FRMPD4: variants seen among roughly 807,000 people sequenced by gnomAD.
FRMPD4 encodes FERM and PDZ domain-containing protein 4.
FRMPD4 carries 22 observed loss-of-function variants against 94.1 expected under a neutral mutation model. The ratio of observed to expected loss-of-function variants is 0.23; its 90% CI spans 0.17 to 0.33. FRMPD4 has a LOEUF of 0.33. FRMPD4 is among the 10% of genes least tolerant of loss of function. FRMPD4 has a pLI of 1.00. For missense variants in FRMPD4, 1,111 were observed against 1,339.9 expected (o/e 0.83, Z 2.67); for synonymous variants, 631 against 548.6 (o/e 1.15, Z -2.10).
At chrX:12,533,280 G>T (rs1403734751) in intron 2 of FRMPD4, among the ~76,000 whole-genome samples, 2 of 112,252 alleles carry the variant, frequency 1.8e-5, no homozygotes, top group Non-Finnish European at 3.8e-5. Flanking sequence ...TGATCATGAG[G>T]CCTCCGCAAC....
At chrX:12,475,846 C>T (rs2057590528) in intron 1 of FRMPD4, among the ~76,000 whole-genome samples, 1 of 111,636 alleles carries the variant, frequency 9.0e-6, no homozygotes, top group Non-Finnish European at 1.9e-5. Context: ...ATTCCATGCT[C>T]ATGGGTAGGA....
At chrX:12,688,799 A>AT (rs200685066) in intron 7 of FRMPD4, among the ~76,000 whole-genome samples, 2,520 of 93,183 alleles carry the variant, frequency 0.027, 93 homozygotes, top group African/African-American at 0.096. Flanking sequence ...CTCTTGAATG[A>AT]TTTTTTTTCA....
chrX:11,878,270 C>A (rs2053796013), intron 3 of FRMPD4, among the ~76,000 whole-genome samples: 1 of 112,286 alleles, frequency 8.9e-6, no homozygotes, highest in Admixed American at 9.4e-5. Flanking sequence ...CCGTATACTA[C>A]TTTGGTCATT....
intron 1 of FRMPD4, among the ~76,000 whole-genome samples, chrX:12,336,633 C>G (rs1461429572): frequency 9.0e-6 from 1 of 111,315 alleles, no homozygotes; most frequent in Non-Finnish European, 1.9e-5. Flanking sequence ...ACATCTCACA[C>G]TGGCAGGCTT....
intron 2 of FRMPD4, among the ~76,000 whole-genome samples, chrX:12,524,660 C>A (rs773337686): frequency 5.4e-5 from 6 of 111,437 alleles, no homozygotes; most frequent in Admixed American, 9.5e-5. Context: ...TGCTACCTGT[C>A]GCTCTGAAAT....
chrX:12,165,923 T>A (rs2056108416), intron 1 of FRMPD4, among the ~76,000 whole-genome samples: 1 of 111,735 alleles, frequency 8.9e-6, no homozygotes, highest in Non-Finnish European at 1.9e-5. Context: ...TTTGCTGAAG[T>A]TGCTTATCAG....
intron 4 of FRMPD4, among the ~76,000 whole-genome samples, chrX:12,640,197 G>A (rs1194473337): frequency 1.9e-5 from 2 of 105,637 alleles, no homozygotes; most frequent in Non-Finnish European, 3.9e-5. Context: ...TACTCCGGAG[G>A]CTGAGGCACG....
At chrX:11,836,767 C>A (rs1186637696) in intron 1 of FRMPD4, among the ~76,000 whole-genome samples, 1 of 111,728 alleles carries the variant, frequency 9.0e-6, no homozygotes, top group Admixed American at 9.5e-5. Context: ...GAATCTAAAT[C>A]TTTCTGATGG....
intron 3 of FRMPD4, among the ~76,000 whole-genome samples, chrX:11,987,097 T>TGAAAAAA (rs1569137639): frequency 2.0e-4 from 3 of 14,642 alleles, no homozygotes; most frequent in Non-Finnish European, 3.2e-4. Context: ...CAAAGACACA[T>TGAAAAAA]TAAAAAAAAA....
intron 3 of FRMPD4, among the ~76,000 whole-genome samples, chrX:11,932,073 C>T (rs1312139239): frequency 8.9e-6 from 1 of 111,934 alleles, no homozygotes; most frequent in Non-Finnish European, 1.9e-5. Flanking sequence ...ATATTATTAA[C>T]TACAGAGTGC....
chrX:12,154,745 G>T (rs1293310889), intron 1 of FRMPD4, among the ~76,000 whole-genome samples: 1 of 112,591 alleles, frequency 8.9e-6, no homozygotes, highest in Non-Finnish European at 1.9e-5. Context: ...GATTAAAGGG[G>T]CTTAAACAAA....
At position 11,950,231 on chromosome X, in the gene FRMPD4, T is replaced by G. The variant is rs1601852529; in HGVS notation, c.95+72213T>G. 4.5e-5 allele frequency among the ~76,000 whole-genome samples: 5 copies of G among 112,269 alleles called. No individual in the cohort carries two copies. The Admixed American group carries it at 4.7e-4, about 11-fold the overall frequency. ...CTGTGAAGAAGGTGCCTGCTTCTCC[T>G]TTGCCTTCTGTCATGATTGTAAGTT... On this transcript the variant is annotated intron_variant, in intron 3 of 18. Coordinates refer to the FRMPD4 transcript ENST00000640291.
chrX:12,606,609 C>T (rs920539557), intron 2 of FRMPD4, among the ~76,000 whole-genome samples: 2 of 111,314 alleles, frequency 1.8e-5, no homozygotes, highest in African/African-American at 3.3e-5. Context: ...GCACCAACCT[C>T]GGTTCTAAAA....
Position 12,212,318 on chromosome X carries a change from AT to A in FRMPD4, c.41+73317del, listed in dbSNP as rs369676955. Among the ~76,000 whole-genome samples the A allele has an allele frequency of 7.4e-3, 782 of 106,322 alleles. 10 individuals are homozygous for A. Among genetic ancestry groups the A allele is most frequent in the African/African-American group, 0.022 (661 of 29,401 alleles). The allele number at this position is 106,322 out of a possible 115,157, so 92.3% of individuals were successfully genotyped here. On this transcript the variant is annotated intron_variant, in intron 1 of 16. Transcript: ENST00000675598. ...TGTTCTAGAATTTTAAAATCATTCG[AT>A]TTTTTTTTTTCTTTTAGGTGGGCAC...
chrX:11,951,729 C>T (rs2054224917), intron 3 of FRMPD4, among the ~76,000 whole-genome samples: 1 of 112,183 alleles, frequency 8.9e-6, no homozygotes, highest in Admixed American at 9.4e-5. Context: ...TGCACATGTA[C>T]CCATGAACTT....
Position 12,701,303 on chromosome X carries a change from G to A in FRMPD4, c.934-571G>A, listed in dbSNP as rs186099046. Reference sequence around the variant, plus strand: ...GCCCAGGCTGGTCTTGAACTCCAGGGCTCACGTAATCCACCCGCCTTGGCC... The same window carrying A: ...GCCCAGGCTGGTCTTGAACTCCAGGACTCACGTAATCCACCCGCCTTGGCC... On this transcript the variant is annotated intron_variant, in intron 9 of 16. Transcript: ENST00000675598. Among the ~76,000 whole-genome samples the A allele has an allele frequency of 1.3e-3, 144 of 109,844 alleles. 1 individual carries two copies. The highest frequency in any genetic ancestry group is 2.3e-3 in the Non-Finnish European group (120 of 52,674).
chrX:12,552,891 C>T (rs1018269220), intron 2 of FRMPD4, among the ~76,000 whole-genome samples: 1 of 112,386 alleles, frequency 8.9e-6, no homozygotes, highest in Non-Finnish European at 1.9e-5. Flanking sequence ...TGCAATGCCT[C>T]GTGCCTGTAA....
chrX:11,854,855 G>A (rs2053645224), intron 1 of FRMPD4, among the ~76,000 whole-genome samples: 1 of 111,475 alleles, frequency 9.0e-6, no homozygotes, highest in Non-Finnish European at 1.9e-5. Context: ...AACATGCTGG[G>A]GTCTACAGGA....
chrX:11,984,858 T>C (rs1216006453), intron 3 of FRMPD4, among the ~76,000 whole-genome samples: 4 of 111,983 alleles, frequency 3.6e-5, no homozygotes, highest in African/African-American at 1.3e-4. Context: ...AACTATAACC[T>C]GATGAAAAAA....
Sources: gnomAD v4.1 joint callset for allele counts (sites outside exome capture counted in the v4.1 genomes callset) on GRCh38, gnomAD v4.1.1 for gene constraint, MANE v1.5 for transcripts, NCBI Gene and HGNC (gene_info 2026-07-23, HGNC 2026-07-21) for gene names.